The following VWA5B1 variants were observed in gnomAD, a reference collection of about 807,000 sequenced individuals.
VWA5B1 encodes von Willebrand factor A domain containing 5B1, also known as von Willebrand factor A domain-containing protein 5B1.
VWA5B1 carries 115 observed loss-of-function variants against 118.2 expected under a neutral mutation model. The ratio of observed to expected loss-of-function variants is 0.97; its 90% CI spans 0.84 to 1.14. VWA5B1 has a LOEUF of 1.14. VWA5B1 is among the 50% of genes most tolerant of loss of function. The pLI, the probability that VWA5B1 is intolerant of heterozygous loss-of-function variation, is 0.00. For missense variants in VWA5B1, 1,596 were observed against 1,603.8 expected (o/e 1.00, Z 0.08); for synonymous variants, 682 against 658.4 (o/e 1.04, Z -0.55).
chr1:20,346,819 C>T (rs546262781), intron 17 of VWA5B1, among the ~76,000 whole-genome samples: 14 of 152,302 alleles, frequency 9.2e-5, no homozygotes, highest in Middle Eastern at 3.4e-3. Context: ...TATTAGCAGA[C>T]GTCCAGAAAG....
chr1:20,350,265 A>T lies in VWA5B1; in HGVS notation c.2953+35A>T, dbSNP rs770062234. ...CAGGTGGCGCTGCCTCTTCATCAAG[A>T]TGGTGACAGGGATTGGTCCTGGGGT... On this transcript the variant is annotated intron_variant, in intron 19 of 21. Coordinates refer to ENST00000289815, the MANE Select transcript of VWA5B1 (RefSeq NM_001039500.3). 7 of 1,549,546 alleles carry T rather than the reference A, an allele frequency of 4.5e-6. No homozygotes were observed. The South Asian group carries it at 8.3e-5, about 18-fold the overall frequency.
intron 1 of VWA5B1, among the ~76,000 whole-genome samples, chr1:20,300,302 A>G (rs1476416172): frequency 6.6e-6 from 1 of 152,132 alleles, no homozygotes; most frequent in Admixed American, 6.6e-5. Flanking sequence ...GAATGAGTAT[A>G]CATCTTCAGT....
chr1:20,347,005 C>A (rs922934794), intron 17 of VWA5B1, among the ~76,000 whole-genome samples: 1 of 152,150 alleles, frequency 6.6e-6, no homozygotes, highest in Non-Finnish European at 1.5e-5. Context: ...TCCCACCTGT[C>A]TATGACCAGC....
chr1:20,337,136 T>A (rs2089740400), intron 13 of VWA5B1, among the ~76,000 whole-genome samples: 1 of 151,970 alleles, frequency 6.6e-6, no homozygotes, highest in South Asian at 2.1e-4. Context: ...TTATTTTATT[T>A]TTTATTTTTG....
intron 1 of VWA5B1, among the ~76,000 whole-genome samples, chr1:20,307,252 C>T (rs775891984): frequency 1.3e-5 from 2 of 152,210 alleles, no homozygotes; most frequent in Non-Finnish European, 2.9e-5. Context: ...GCCATGGCCT[C>T]GTCCCTGTCC....
chr1:20,318,713 A>C lies in VWA5B1; in HGVS notation c.833A>C (p.His278Pro). The C allele has an allele frequency of 1.3e-6, 2 of 1,491,774 alleles. No homozygotes were observed. Among genetic ancestry groups the C allele is most frequent in the Admixed American group, 2.1e-5 (1 of 46,598 alleles). The allele number at this position is 1,491,774 out of a possible 1,614,324, so 92.4% of individuals were successfully genotyped here. A position where few individuals can be genotyped will look rare whatever the true frequency, so the allele number is the denominator to read the frequency against. Residue 278 changes from histidine (H) to proline (P), a missense_variant, in exon 6 of 22, where the codon CAC becomes CCC. Transcript: ENST00000289815. ...GACCGGCCTGTGGAGATCCTCATCC[A>C]CCCCAGCGGTACGGTGCCCCACAAC... ...TFDRPVEILI[H>P]PSEPHMPHVL...
rs750706281 is a variant in VWA5B1, at chr1:20,323,505, G to A, written c.1116G>A (p.Met372Ile). ...FIFLIDRSSS[M>I]SGISMHRVKD... ...TCCTCATTGACAGGAGCAGCAGCAT[G>A]AGCGGGATCAGCATGCACCGAGTCA... Residue 372 changes from methionine (M) to isoleucine (I), a missense_variant, in exon 8 of 22, where the codon ATG (methionine) becomes ATA (isoleucine). Coordinates refer to ENST00000289815, the MANE Select transcript of VWA5B1 (RefSeq NM_001039500.3). 10 of 1,514,858 alleles carry A rather than the reference G, an allele frequency of 6.6e-6. No individual in the cohort carries two copies. The African/African-American group carries it at 7.0e-5, about 11-fold the overall frequency. The allele number at this position is 1,514,858 out of a possible 1,614,324, so 93.8% of individuals were successfully genotyped here.
chr1:20,327,127 G>T (rs1054799232), intron 8 of VWA5B1, among the ~76,000 whole-genome samples: 2 of 151,816 alleles, frequency 1.3e-5, no homozygotes, highest in African/African-American at 4.8e-5. Context: ...TCCTGCTGGG[G>T]TTACATGGGT....
intron 9 of VWA5B1, among the ~76,000 whole-genome samples, chr1:20,329,975 A>T (rs542020071): frequency 1.3e-5 from 2 of 152,284 alleles, no homozygotes; most frequent in East Asian, 1.9e-4. Context: ...TGTTTCAGGC[A>T]TTGGTAGGGG....
chr1:20,314,475 C>T lies in VWA5B1; in HGVS notation c.446C>T (p.Ser149Leu), dbSNP rs747581752. The stretch of plus-strand genomic sequence containing the variant: ...GTCACCATCTTCATCAGCACCTCCT[C>T]GGAGCTCCCAACGCTGCCCAGCGGG... ...ENVTIFISTS[S>L]ELPTLPSGAV... The change falls in exon 4 of 22, where the codon TCG becomes TTG. Residue 149 changes from serine (S) to leucine (L), a missense_variant. Ser to Leu is a moderately radical substitution (Grantham distance 145). Coordinates refer to ENST00000289815, the MANE Select transcript of VWA5B1 (RefSeq NM_001039500.3). The T allele has an allele frequency of 4.4e-5, 69 of 1,551,778 alleles. No homozygotes were observed. The highest frequency in any genetic ancestry group is 2.4e-4 in the Admixed American group (12 of 51,012).
Position 20,354,541 on chromosome 1 carries a change from T to G in VWA5B1, c.*278T>G. 2.2e-6 allele frequency: 1 copy of G among 455,014 alleles called. No homozygotes were observed. Among genetic ancestry groups the G allele is most frequent in the East Asian group, 4.4e-5 (1 of 22,546 alleles). The allele number at this position is 455,014 out of a possible 1,614,324, so 28.2% of individuals were successfully genotyped here. A position where few individuals can be genotyped will look rare whatever the true frequency, so the allele number is the denominator to read the frequency against. On this transcript the variant is annotated 3_prime_UTR_variant, in exon 22 of 22. Coordinates refer to ENST00000289815, the MANE Select transcript of VWA5B1 (RefSeq NM_001039500.3). ...AGGAGGTGGAGTGGATCTCAAATGG[T>G]TCAGTGGTTCCTTTCTGCCCATTCA...
chr1:20,318,452 G>A, intron 5 of VWA5B1, 138 bp from the exon 6 acceptor site: 1 of 1,257,098 alleles, frequency 8.0e-7, no homozygotes, highest in South Asian at 1.3e-5. Flanking sequence ...CCTGGCCATG[G>A]TCACACTGCA....
chr1:20,320,632 A>T (rs1487599186), intron 7 of VWA5B1, among the ~76,000 whole-genome samples: 2 of 152,240 alleles, frequency 1.3e-5, no homozygotes, highest in East Asian at 3.8e-4. Flanking sequence ...AGCAAATGAG[A>T]ATTAACTTGC....
At chr1:20,317,932 C>T (rs766282087) in intron 5 of VWA5B1, among the ~76,000 whole-genome samples, 2 of 151,594 alleles carry the variant, frequency 1.3e-5, no homozygotes, top group African/African-American at 2.4e-5. Flanking sequence ...GGAATGGTGG[C>T]CCTTGGTTCT....
intron 2 of VWA5B1, 84 bp downstream of exon 2, chr1:20,310,824 C>G: frequency 7.0e-7 from 1 of 1,425,354 alleles, no homozygotes; most frequent in Non-Finnish European, 9.2e-7. Flanking sequence ...GCTGACTGAC[C>G]TTAGGCAAGT....
chr1:20,335,646 G>A (rs953675622), intron 12 of VWA5B1, among the ~76,000 whole-genome samples: 6 of 152,280 alleles, frequency 3.9e-5, no homozygotes, highest in Admixed American at 2.6e-4. Flanking sequence ...ATTATGTGCT[G>A]TATTCTTACA....
chr1:20,319,173 G>A (rs1251042331), intron 6 of VWA5B1, among the ~76,000 whole-genome samples: 1 of 152,170 alleles, frequency 6.6e-6, no homozygotes, highest in Admixed American at 6.5e-5. Flanking sequence ...CCAGAGAGGG[G>A]CAGTGAGTCA....
intron 12 of VWA5B1, among the ~76,000 whole-genome samples, chr1:20,336,089 TAAAC>T (rs1266034714): frequency 6.6e-6 from 1 of 152,204 alleles, no homozygotes; most frequent in Non-Finnish European, 1.5e-5. Flanking sequence ...ATTAAAAACA[TAAAC>T]AACCTAAGTG....
rs997653751 is a variant in VWA5B1, at chr1:20,354,032, G to A, written c.3417G>A (p.Leu1139=). The change falls in exon 22 of 22, where the codon CTG becomes CTA. Residue 1139 remains leucine, a synonymous_variant. Transcript: ENST00000289815. ...CAGTGGTGGAGCACACTGGGAAGCT[G>A]TGGGCCACGGTGGTGGGGCTGGCAT... The part of the protein sequence containing the change: ...PRAVVEHTGK[L]WATVVGLAWL... 1.9e-6 allele frequency: 3 copies of A among 1,551,676 alleles called. No individual in the cohort carries two copies. Among genetic ancestry groups the A allele is most frequent in the Non-Finnish European group, 2.6e-6 (3 of 1,147,012 alleles).
Sources: gnomAD v4.1 joint callset for allele counts (sites outside exome capture counted in the v4.1 genomes callset) on GRCh38, gnomAD v4.1.1 for gene constraint, MANE v1.5 for transcripts, NCBI Gene and HGNC (gene_info 2026-07-23, HGNC 2026-07-21) for gene names.